ADGRL3: variants seen among roughly 807,000 people sequenced by gnomAD.
The protein encoded by ADGRL3 is adhesion G protein-coupled receptor L3.
ADGRL3 carries 62 observed loss-of-function variants against 153.5 expected under a neutral mutation model. That is an observed-to-expected ratio of 0.40 (90% CI 0.33 to 0.50). ADGRL3 has a LOEUF of 0.50. ADGRL3 is among the 20% of genes least tolerant of loss of function. The pLI is 0.47. For synonymous variants in ADGRL3, 710 were observed against 672.5 expected, an observed-to-expected ratio of 1.06 and a Z score of -0.86; for missense variants, 1,641 against 1,859.4, an observed-to-expected ratio of 0.88 and a Z score of 2.16.
chr4:61,395,161 T>C (rs769447939), intron 2 of ADGRL3, among the ~76,000 whole-genome samples: 2 of 151,972 alleles, frequency 1.3e-5, no homozygotes, highest in African/African-American at 4.8e-5. Flanking sequence ...GACAATCTAG[T>C]GATAAGGTGG....
chr4:61,750,179 G>T (rs1351816128), intron 8 of ADGRL3, among the ~76,000 whole-genome samples: 1 of 75,608 alleles, frequency 1.3e-5, no homozygotes, highest in African/African-American at 5.9e-5. Flanking sequence ...AAAAGGGGAT[G>T]GTTAAAAAAA....
At chr4:61,748,161 G>C (rs1161957314) in intron 8 of ADGRL3, among the ~76,000 whole-genome samples, 2 of 151,790 alleles carry the variant, frequency 1.3e-5, no homozygotes, top group Non-Finnish European at 2.9e-5. Flanking sequence ...GGGATGTGAA[G>C]GACCTCTTCA....
In ADGRL3 at chr4:61,760,633, G is replaced by A. The variant is rs927127120; in HGVS notation, c.1399+27079G>A. Among the ~76,000 whole-genome samples the A allele has an allele frequency of 1.1e-4, 17 of 152,118 alleles. No homozygotes were observed. The East Asian group carries it at 1.7e-3, about 16-fold the overall frequency. ...GTGAGGCGATGCCTCGCCCTGCTTC[G>A]GCTCACGCTGGGTGCGCTGCACCCA... is the stretch of plus-strand genomic sequence containing the variant. On this transcript the variant is annotated intron_variant, in intron 8 of 26. Coordinates refer to ENST00000683033, the MANE Select transcript of ADGRL3 (RefSeq NM_001387552.1).
intron 6 of ADGRL3, among the ~76,000 whole-genome samples, chr4:61,710,941 A>T (rs902692986): frequency 1.3e-5 from 2 of 152,138 alleles, no homozygotes. Flanking sequence ...AACTTAATTT[A>T]ACATTCCATC....
At chr4:61,644,641 G>A (rs1262072397) in intron 5 of ADGRL3, among the ~76,000 whole-genome samples, 1 of 152,164 alleles carries the variant, frequency 6.6e-6, no homozygotes, top group South Asian at 2.1e-4. Context: ...TTGCACTGTG[G>A]TCTCAGAGAT....
chr4:61,665,671 A>G (rs2094768668), intron 5 of ADGRL3, among the ~76,000 whole-genome samples: 1 of 152,208 alleles, frequency 6.6e-6, no homozygotes. Context: ...ATTTTTAAGA[A>G]ACTTTTATTT....
chr4:62,021,292 T>C (rs2099237054), intron 21 of ADGRL3, among the ~76,000 whole-genome samples: 1 of 152,156 alleles, frequency 6.6e-6, no homozygotes, highest in African/African-American at 2.4e-5. Flanking sequence ...GTGAAGGAAC[T>C]TCAGCATGTA....
At chr4:61,327,780 G>A (rs2095494346) in intron 1 of ADGRL3, among the ~76,000 whole-genome samples, 1 of 152,084 alleles carries the variant, frequency 6.6e-6, no homozygotes, top group Non-Finnish European at 1.5e-5. Context: ...ATTTTAAGAT[G>A]AGGTGATCAA....
chr4:61,761,161 G>A (rs1412376738), intron 8 of ADGRL3, among the ~76,000 whole-genome samples: 3 of 152,174 alleles, frequency 2.0e-5, no homozygotes, highest in African/African-American at 7.2e-5. Context: ...GTAGTTTAGG[G>A]AGGGTCAGAA....
In ADGRL3 at chr4:62,071,112, T is replaced by C. The variant is rs1178531167; in HGVS notation, c.*204T>C. On this transcript the variant is annotated 3_prime_UTR_variant, in exon 27 of 27. Coordinates refer to ENST00000683033, the MANE Select transcript of ADGRL3 (RefSeq NM_001387552.1). ...AAAGATAACTGCTAAAATTCCCCTG[T>C]ACCCCATCCTTTCTTGTCCTTTCCC... The C allele has an allele frequency of 1.2e-5, 6 of 507,020 alleles. No homozygotes were observed. The highest frequency in any genetic ancestry group is 2.1e-5 in the Non-Finnish European group (6 of 287,780). 31.4% of individuals were successfully genotyped at this position (507,020 alleles called of 1,614,324 possible).
chr4:61,357,350 C>T lies in ADGRL3; in HGVS notation c.-239-25774C>T, dbSNP rs140343939. On this transcript the variant is annotated intron_variant, in intron 1 of 26. Transcript: ENST00000683033. Reference sequence around the variant, plus strand: ...AAAATGTAGTAGAATTTTTTGAGTTCCATTGTAGGATAATAGTAGAGCATG... The same window carrying T: ...AAAATGTAGTAGAATTTTTTGAGTTTCATTGTAGGATAATAGTAGAGCATG... 3.0e-3 allele frequency among the ~76,000 whole-genome samples: 462 copies of T among 151,998 alleles called. 1 individual carries two copies. Among genetic ancestry groups the T allele is most frequent in the Middle Eastern group, 6.9e-3 (2 of 290 alleles).
At chr4:61,825,990 C>CA (rs1272545077) in intron 9 of ADGRL3, among the ~76,000 whole-genome samples, 1 of 152,094 alleles carries the variant, frequency 6.6e-6, no homozygotes, top group African/African-American at 2.4e-5. Context: ...AATCTTTTCT[C>CA]AAACTCTTTT....
chr4:61,726,239 C>T (rs1044982201), intron 6 of ADGRL3, among the ~76,000 whole-genome samples: 1 of 64,650 alleles, frequency 1.5e-5, no homozygotes, highest in African/African-American at 5.9e-5. Context: ...CACCCTGTCG[C>T]CCAGGTTGGA....
chr4:61,343,031 A>G (rs926051826), intron 1 of ADGRL3, among the ~76,000 whole-genome samples: 1 of 152,110 alleles, frequency 6.6e-6, no homozygotes, highest in Admixed American at 6.6e-5. Flanking sequence ...GTGAAAGGGA[A>G]ACCTCTTTTA....
At position 61,847,675 on chromosome 4, in the gene ADGRL3, A is replaced by T. The variant is rs1282700615; in HGVS notation, c.1480+33786A>T. On this transcript the variant is annotated intron_variant, in intron 9 of 26. Transcript: ENST00000683033. ...AAATATATTATATATATAATATAAAATATATTATATATATAATATAAAATA... is the reference window on the plus strand; with the variant it reads ...AAATATATTATATATATAATATAAATTATATTATATATATAATATAAAATA... Among the ~76,000 whole-genome samples, 46 of 53,596 alleles carry T rather than the reference A, an allele frequency of 8.6e-4. 8 individuals are homozygous for T. Among genetic ancestry groups the T allele is most frequent in the Non-Finnish European group, 1.2e-3 (36 of 31,298 alleles). The allele number at this position is 53,596 out of a possible 152,430, so 35.2% of individuals were successfully genotyped here.
At chr4:61,506,219 G>A (rs1304270055) in intron 3 of ADGRL3, among the ~76,000 whole-genome samples, 1 of 151,960 alleles carries the variant, frequency 6.6e-6, no homozygotes, top group African/African-American at 2.4e-5. Flanking sequence ...TGTATAAAAA[G>A]GCCCTAATAC....
intron 5 of ADGRL3, among the ~76,000 whole-genome samples, chr4:61,647,835 A>T (rs1248262955): frequency 6.6e-6 from 1 of 152,236 alleles, no homozygotes; most frequent in Non-Finnish European, 1.5e-5. Context: ...TATTTCCACC[A>T]GTTTTCCACT....
intron 9 of ADGRL3, among the ~76,000 whole-genome samples, chr4:61,838,638 A>G (rs1360007251): frequency 6.6e-6 from 1 of 152,196 alleles, no homozygotes; most frequent in East Asian, 1.9e-4. Context: ...AGAAAAATTG[A>G]AGAATAACCA....
intron 4 of ADGRL3, among the ~76,000 whole-genome samples, chr4:61,567,305 A>G (rs2098820209): frequency 6.6e-6 from 1 of 152,208 alleles, no homozygotes; most frequent in African/African-American, 2.4e-5. Flanking sequence ...ATGTTTTAGT[A>G]GCTGCTAAGT....
Sources: allele counts gnomAD v4.1 joint callset (sites outside exome capture counted in the v4.1 genomes callset), GRCh38; gene constraint gnomAD v4.1.1; transcripts MANE v1.5; gene names NCBI Gene and HGNC (gene_info 2026-07-23, HGNC 2026-07-21).